SGK3: variants seen among roughly 807,000 people sequenced by gnomAD.
SGK3 encodes serum/glucocorticoid regulated kinase family member 3, also known as serine/threonine-protein kinase Sgk3.
Under a neutral mutation model 68.5 loss-of-function variants are expected in SGK3, and 47 were observed. That is an observed-to-expected ratio of 0.69 (90% CI 0.54 to 0.87). SGK3 has a LOEUF of 0.87. SGK3 is among the 40% of genes least tolerant of loss of function. The probability of loss-of-function intolerance (pLI) is 0.00; values close to 1 mark genes in which losing one functional copy is unlikely to be tolerated. For synonymous variants in SGK3, 181 were observed against 189.1 expected, an observed-to-expected ratio of 0.96 and a Z score of 0.35; for missense variants, 479 against 575.5, an observed-to-expected ratio of 0.83 and a Z score of 1.72.
intron 14 of SGK3, among the ~76,000 whole-genome samples, chr8:66,845,363 C>T (rs1338796051): frequency 1.3e-5 from 2 of 151,836 alleles, no homozygotes; most frequent in African/African-American, 2.4e-5. Context: ...CATGCCACTG[C>T]ACTCCAGCAT....
intron 16 of SGK3, among the ~76,000 whole-genome samples, chr8:66,852,526 G>A (rs1036105576): frequency 7.9e-5 from 12 of 151,950 alleles, no homozygotes; most frequent in Non-Finnish European, 1.3e-4. Context: ...TGATCCACCC[G>A]CCTCAGCCTC....
chr8:66,835,073 C>T lies in SGK3; in HGVS notation c.526-690C>T, dbSNP rs967453399. ...TCACTTGAGCCCAGGAGTTTGAGAC[C>T]AGCCTGGATAACATGACAAAACCCC... On this transcript the variant is annotated intron_variant, in intron 8 of 16. Transcript: ENST00000521198. Among the ~76,000 whole-genome samples the T allele has an allele frequency of 2.7e-4, 41 of 152,102 alleles. 1 individual carries two copies. Among genetic ancestry groups the T allele is most frequent in the African/African-American group, 9.9e-4 (41 of 41,496 alleles).
At chr8:66,766,396 G>A (rs1048752403) in intron 1 of SGK3, among the ~76,000 whole-genome samples, 1 of 152,048 alleles carries the variant, frequency 6.6e-6, no homozygotes, top group Admixed American at 6.6e-5. Context: ...GGTGGCGTGT[G>A]CCTGTAGTCT....
At chr8:66,831,048 G>GT (rs981798431) in intron 7 of SGK3, among the ~76,000 whole-genome samples, 3 of 152,160 alleles carry the variant, frequency 2.0e-5, no homozygotes, top group Non-Finnish European at 4.4e-5. Context: ...GTTATGAAAT[G>GT]TTTTATCTGA....
intron 1 of SGK3, among the ~76,000 whole-genome samples, chr8:66,788,698 A>G (rs1807310486): frequency 6.6e-6 from 1 of 152,150 alleles, no homozygotes; most frequent in African/African-American, 2.4e-5. Flanking sequence ...AAGTGGTGCA[A>G]GGTGTAGTTA....
intron 2 of SGK3, among the ~76,000 whole-genome samples, chr8:66,796,203 C>G (rs532082770): frequency 1.3e-5 from 2 of 151,724 alleles, no homozygotes; most frequent in Admixed American, 1.3e-4. Context: ...GTGGTGCAGT[C>G]TTGGCTCACT....
intron 1 of SGK3, among the ~76,000 whole-genome samples, chr8:66,743,807 C>T (rs887908598): frequency 1.3e-5 from 2 of 152,220 alleles, no homozygotes; most frequent in Non-Finnish European, 1.5e-5. Flanking sequence ...GCTACCGCTC[C>T]GAGAGCTAAT....
At chr8:66,849,827 C>T (rs1443775144) in intron 15 of SGK3, among the ~76,000 whole-genome samples, 2 of 152,156 alleles carry the variant, frequency 1.3e-5, no homozygotes, top group East Asian at 3.9e-4. Flanking sequence ...GATCCTCCCA[C>T]TTCGGACTCC....
In SGK3 at chr8:66,859,618, T is replaced by C. The variant is rs1810679678; in HGVS notation, c.*37T>C. The C allele has an allele frequency of 6.4e-7, 1 of 1,571,392 alleles. No homozygotes were observed. Among genetic ancestry groups the C allele is most frequent in the African/African-American group, 1.3e-5 (1 of 74,204 alleles). On this transcript the variant is annotated 3_prime_UTR_variant, in exon 17 of 17. Coordinates refer to ENST00000521198, the MANE Select transcript of SGK3 (RefSeq NM_001033578.3). ...TTCAGAAACCATTGAGCAAAATAAG[T>C]CTATAGATGGGACTGAAACTTCTAT...
intron 1 of SGK3, among the ~76,000 whole-genome samples, chr8:66,734,864 T>A (rs956704408): frequency 1.3e-5 from 2 of 151,352 alleles, no homozygotes; most frequent in Non-Finnish European, 2.9e-5. Context: ...GGAGAATCGC[T>A]TGAACCCAGG....
chr8:66,799,179 A>G (rs1807823609), intron 3 of SGK3, among the ~76,000 whole-genome samples: 1 of 152,242 alleles, frequency 6.6e-6, no homozygotes, highest in African/African-American at 2.4e-5. Flanking sequence ...TAACTCAGAT[A>G]TTAAATAGAA....
intron 7 of SGK3, among the ~76,000 whole-genome samples, chr8:66,829,806 G>T (rs1241996274): frequency 1.3e-5 from 2 of 151,878 alleles, no homozygotes; most frequent in African/African-American, 4.8e-5. Flanking sequence ...TGGAAGTTTG[G>T]TTTTAAGCAT....
rs991977512 is a variant in SGK3 at position 66,852,775 on chromosome 8, C to T, written c.1320+1855C>T. Among the ~76,000 whole-genome samples the T allele has an allele frequency of 3.9e-5, 6 of 152,136 alleles. No individual in the cohort carries two copies. The East Asian group carries it at 1.2e-3, about 29-fold the overall frequency. On this transcript the variant is annotated intron_variant, in intron 16 of 16. Coordinates refer to ENST00000521198, the MANE Select transcript of SGK3 (RefSeq NM_001033578.3). ...CATGTAGTGCATCCAGGAATGACTC[C>T]ATTAGGAATAATTTCGGTCCCAAAT...
At chr8:66,766,850 C>T (rs1291427565) in intron 1 of SGK3, among the ~76,000 whole-genome samples, 1 of 152,044 alleles carries the variant, frequency 6.6e-6, no homozygotes, top group East Asian at 1.9e-4. Flanking sequence ...CATATAGCTG[C>T]TCTAGCTTTC....
intron 10 of SGK3, among the ~76,000 whole-genome samples, chr8:66,839,078 G>A (rs1809660869): frequency 6.6e-6 from 1 of 151,952 alleles, no homozygotes. Context: ...CCTGGGAAGG[G>A]TATTTGGAGA....
intron 1 of SGK3, among the ~76,000 whole-genome samples, chr8:66,724,472 A>G (rs2130347890): frequency 6.6e-6 from 1 of 152,318 alleles, no homozygotes; most frequent in South Asian, 2.1e-4. Flanking sequence ...GCTACTTGGG[A>G]GGCTGAGGCA....
chr8:66,729,328 C>T (rs949206259), intron 1 of SGK3, among the ~76,000 whole-genome samples: 2 of 151,790 alleles, frequency 1.3e-5, no homozygotes, highest in African/African-American at 2.4e-5. Context: ...TGGTGGCGGG[C>T]GCCTGTAGTC....
intron 1 of SGK3, among the ~76,000 whole-genome samples, chr8:66,785,710 T>C (rs182170659): frequency 2.6e-5 from 4 of 152,324 alleles, no homozygotes; most frequent in East Asian, 3.9e-4. Context: ...CTCCTAAGAT[T>C]TGGCTGGCCT....
intron 16 of SGK3, among the ~76,000 whole-genome samples, chr8:66,853,100 C>T (rs1186987981): frequency 6.6e-6 from 1 of 152,058 alleles, no homozygotes; most frequent in East Asian, 1.9e-4. Context: ...TTGTAAAGCA[C>T]CTCAGTGCAT....
Sources: allele counts gnomAD v4.1 joint callset (sites outside exome capture counted in the v4.1 genomes callset), GRCh38; gene constraint gnomAD v4.1.1; transcripts MANE v1.5; gene names NCBI Gene and HGNC (gene_info 2026-07-23, HGNC 2026-07-21).